The following ELMO1 variants were observed in gnomAD, a reference collection of about 807,000 sequenced individuals.
ELMO1 encodes engulfment and cell motility 1, also known as engulfment and cell motility protein 1.
A neutral mutation model predicts 98.9 loss-of-function variants in ELMO1; 26 were observed. The ratio of observed to expected loss-of-function variants is 0.26; its 90% confidence interval spans 0.19 to 0.36. The LOEUF (loss-of-function observed/expected upper bound fraction) is 0.36, where lower values mean the gene tolerates loss of function less well. Among genes scored for constraint, ELMO1 ranks in the 10% least tolerant of loss-of-function variants. The pLI, the probability that ELMO1 is intolerant of heterozygous loss-of-function variation, is 1.00. For missense variants in ELMO1, 627 were observed against 935.2 expected, an observed-to-expected ratio of 0.67 and a Z score of 4.30; for synonymous variants, 346 against 346.0, an observed-to-expected ratio of 1.00 and a Z score of 0.00.
At chr7:37,253,945 T>C (rs979531584) in intron 6 of ELMO1, among the ~76,000 whole-genome samples, 2 of 152,168 alleles carry the variant, frequency 1.3e-5, no homozygotes, top group African/African-American at 4.8e-5. Flanking sequence ...ATCTATTTAA[T>C]TTATGTGGTT....
intron 16 of ELMO1, among the ~76,000 whole-genome samples, chr7:36,909,459 C>G (rs1320940410): frequency 6.6e-6 from 1 of 152,192 alleles, no homozygotes. Context: ...ACTGCCATCT[C>G]CTACAATGAA....
At chr7:37,370,030 A>T (rs940934545) in intron 1 of ELMO1, among the ~76,000 whole-genome samples, 2 of 152,294 alleles carry the variant, frequency 1.3e-5, no homozygotes, top group East Asian at 3.9e-4. Flanking sequence ...TAGGAATCTC[A>T]TTAAATAACC....
chr7:37,378,419 C>T (rs1334984852), intron 1 of ELMO1, among the ~76,000 whole-genome samples: 4 of 152,168 alleles, frequency 2.6e-5, no homozygotes, highest in Non-Finnish European at 5.9e-5. Context: ...TGAGTATTAA[C>T]TCACTGTCCA....
At chr7:37,162,777 G>A (rs575568741) in intron 13 of ELMO1, among the ~76,000 whole-genome samples, 1 of 152,310 alleles carries the variant, frequency 6.6e-6, no homozygotes, top group South Asian at 2.1e-4. Context: ...GAAAATTTTA[G>A]TATAAAATTG....
chr7:37,051,118 T>C (rs1796089297), intron 15 of ELMO1, among the ~76,000 whole-genome samples: 1 of 152,242 alleles, frequency 6.6e-6, no homozygotes, highest in South Asian at 2.1e-4. Context: ...GACTGGATAT[T>C]GTTTTTGTTC....
At chr7:37,032,855 A>G (rs1413985022) in intron 15 of ELMO1, among the ~76,000 whole-genome samples, 2 of 152,194 alleles carry the variant, frequency 1.3e-5, no homozygotes, top group African/African-American at 4.8e-5. Context: ...GAGCAACAAG[A>G]TAAAGTGCAG....
At chr7:37,064,003 G>A (rs768072254) in intron 15 of ELMO1, among the ~76,000 whole-genome samples, 11 of 151,958 alleles carry the variant, frequency 7.2e-5, no homozygotes, top group Non-Finnish European at 1.2e-4. Context: ...TCCTTGGGTC[G>A]TCTGCCGTAT....
chr7:37,173,126 G>T (rs1188221178), intron 13 of ELMO1, among the ~76,000 whole-genome samples: 2 of 152,194 alleles, frequency 1.3e-5, no homozygotes, highest in Non-Finnish European at 2.9e-5. Context: ...CTAATAAAAT[G>T]TTTATAAATG....
At chr7:37,291,674 G>A (rs537053146) in intron 4 of ELMO1, among the ~76,000 whole-genome samples, 13 of 152,304 alleles carry the variant, frequency 8.5e-5, no homozygotes, top group Non-Finnish European at 1.9e-4. Context: ...CAGCACTGTG[G>A]AAGGCCGAGG....
Position 37,342,698 on chromosome 7 carries a change from C to T in ELMO1, c.-8G>A, listed in dbSNP as rs755696976. 2.5e-6 allele frequency: 4 copies of T among 1,607,712 alleles called. No homozygotes were observed. The African/African-American group carries it at 4.0e-5, about 16-fold the overall frequency. On this transcript the variant is annotated 5_prime_UTR_variant, in exon 2 of 22. Transcript: ENST00000310758. The surrounding 1 kb of genome is among the most constrained non-coding windows in gnomAD (Gnocchi z 4.3). ...GTCCGCGGGTGGCGGCATTGTAAGT[C>T]CCCAAAATGTTCAAAGCCAGTGGGA... is the stretch of plus-strand genomic sequence containing the variant.
At chr7:37,407,840 A>G (rs1803835839) in intron 1 of ELMO1, among the ~76,000 whole-genome samples, 1 of 152,218 alleles carries the variant, frequency 6.6e-6, no homozygotes, top group African/African-American at 2.4e-5. Flanking sequence ...ATAATAATGT[A>G]TCAATATTGG....
intron 1 of ELMO1, among the ~76,000 whole-genome samples, chr7:37,375,253 T>C (rs1583647712): frequency 6.6e-6 from 1 of 151,986 alleles, no homozygotes; most frequent in East Asian, 1.9e-4. Flanking sequence ...AAAAAGAAAA[T>C]ATTTCTGTTT....
At chr7:37,421,515 T>C (rs147718296) in intron 1 of ELMO1, among the ~76,000 whole-genome samples, 41 of 152,326 alleles carry the variant, frequency 2.7e-4, no homozygotes, top group African/African-American at 9.1e-4. Context: ...TCACCCCAGA[T>C]GCTATAAATC....
At chr7:37,346,697 T>C (rs73112687) in intron 1 of ELMO1, among the ~76,000 whole-genome samples, 3,319 of 152,344 alleles carry the variant, frequency 0.022, 49 homozygotes, top group Middle Eastern at 0.041. Flanking sequence ...GTAACACTAT[T>C]CAAAAGAAAG....
intron 1 of ELMO1, among the ~76,000 whole-genome samples, chr7:37,396,769 T>A (rs1803317632): frequency 6.6e-6 from 1 of 152,226 alleles, no homozygotes; most frequent in Admixed American, 6.5e-5. Flanking sequence ...GCAGTTATAC[T>A]TTTGCCTATT....
intron 13 of ELMO1, among the ~76,000 whole-genome samples, chr7:37,204,758 C>G (rs1046841512): frequency 2.0e-5 from 3 of 152,224 alleles, no homozygotes; most frequent in African/African-American, 7.2e-5. Flanking sequence ...TAGCTAGACA[C>G]AGAGCACTGA....
chr7:37,244,249 C>A, intron 7 of ELMO1, 107 bp downstream of exon 7: 1 of 1,135,476 alleles, frequency 8.8e-7, no homozygotes, highest in Non-Finnish European at 1.2e-6. Flanking sequence ...ATCACTTATT[C>A]AAAATACTAG....
chr7:37,184,860 C>T (rs1681754994), intron 13 of ELMO1, among the ~76,000 whole-genome samples: 1 of 151,914 alleles, frequency 6.6e-6, no homozygotes, highest in African/African-American at 2.4e-5. Flanking sequence ...GATCATGCCA[C>T]TGCACGCCAG....
At chr7:37,427,510 T>C (rs1015611661) in intron 1 of ELMO1, among the ~76,000 whole-genome samples, 2 of 152,144 alleles carry the variant, frequency 1.3e-5, no homozygotes, top group Admixed American at 6.5e-5. Flanking sequence ...AACACCACTA[T>C]GGGATGGCTG....
Sources: allele counts gnomAD v4.1 joint callset (sites outside exome capture counted in the v4.1 genomes callset), GRCh38; gene constraint gnomAD v4.1.1; non-coding constraint Gnocchi (gnomAD v3.1); transcripts MANE v1.5; gene names NCBI Gene and HGNC (gene_info 2026-07-23, HGNC 2026-07-21).